Variants in XKR4 observed in about 807,000 individuals in gnomAD.
XKR4 encodes XK-related protein 4.
A neutral mutation model predicts 53.9 loss-of-function variants in XKR4; 12 were observed. The observed-to-expected ratio is 0.22, with a 90% confidence interval of 0.14 to 0.36. XKR4 has a LOEUF of 0.36. Among genes scored for constraint, XKR4 ranks in the 10% least tolerant of loss-of-function variants. The probability of loss-of-function intolerance (pLI) is 1.00; values close to 1 mark genes in which losing one functional copy is unlikely to be tolerated. For missense variants in XKR4, 799 were observed against 859.5 expected (o/e 0.93, Z 0.88); for synonymous variants, 354 against 362.4 (o/e 0.98, Z 0.26).
chr8:55,318,917 A>G (rs868528902), intron 1 of XKR4, among the ~76,000 whole-genome samples: 1 of 152,182 alleles, frequency 6.6e-6, no homozygotes, highest in South Asian at 2.1e-4. Flanking sequence ...GTATTTGAAG[A>G]CCTAAACAAT....
intron 1 of XKR4, among the ~76,000 whole-genome samples, chr8:55,305,501 T>G (rs1333882403): frequency 6.6e-6 from 1 of 152,008 alleles, no homozygotes; most frequent in Non-Finnish European, 1.5e-5. Context: ...AAGCAAATAC[T>G]GGACTGGAAG....
chr8:55,412,412 A>C (rs1377469944), intron 2 of XKR4, among the ~76,000 whole-genome samples: 1 of 152,208 alleles, frequency 6.6e-6, no homozygotes, highest in African/African-American at 2.4e-5. Flanking sequence ...TGCTTATTTA[A>C]ATTTTTTTTA....
At chr8:55,423,905 A>T (rs1225844932) in intron 2 of XKR4, among the ~76,000 whole-genome samples, 1 of 152,258 alleles carries the variant, frequency 6.6e-6, no homozygotes, top group African/African-American at 2.4e-5. Context: ...AGGGTCAGGA[A>T]TAGATTCTCC....
At chr8:55,259,303 G>A (rs1246338209) in intron 1 of XKR4, among the ~76,000 whole-genome samples, 1 of 152,192 alleles carries the variant, frequency 6.6e-6, no homozygotes, top group Non-Finnish European at 1.5e-5. Flanking sequence ...AAATTACCTA[G>A]TTTGATCATG....
At chr8:55,366,432 T>C (rs933557626) in intron 2 of XKR4, among the ~76,000 whole-genome samples, 1 of 152,194 alleles carries the variant, frequency 6.6e-6, no homozygotes. Context: ...ATGGAGGTTG[T>C]GTCATGAAAA....
At chr8:55,103,343 C>CTTTG in intron 1 of XKR4, 49 bp downstream of exon 1, 3 of 1,541,010 alleles carry the variant, frequency 1.9e-6, no homozygotes, top group Non-Finnish European at 2.6e-6. Context: ...GCTACTACAT[C>CTTTG]CCCACTGCTT....
At chr8:55,208,585 G>C (rs1040048765) in intron 1 of XKR4, among the ~76,000 whole-genome samples, 3 of 151,930 alleles carry the variant, frequency 2.0e-5, no homozygotes, top group African/African-American at 7.3e-5. Flanking sequence ...TCCTGCCTCA[G>C]CCTCCCAAGT....
intron 2 of XKR4, among the ~76,000 whole-genome samples, chr8:55,466,807 T>C (rs1805780993): frequency 1.3e-5 from 2 of 152,192 alleles, no homozygotes; most frequent in South Asian, 4.1e-4. Context: ...CAGTAAGTGA[T>C]TCTAAAATAA....
chr8:55,429,069 A>G (rs936944210), intron 2 of XKR4, among the ~76,000 whole-genome samples: 4 of 152,232 alleles, frequency 2.6e-5, no homozygotes, highest in Non-Finnish European at 5.9e-5. Flanking sequence ...ACATAGATCA[A>G]TGGAACTAAC....
intron 2 of XKR4, among the ~76,000 whole-genome samples, chr8:55,413,248 AG>A (rs1563344006): frequency 6.6e-6 from 1 of 152,164 alleles, no homozygotes; most frequent in Non-Finnish European, 1.5e-5. Flanking sequence ...TTTTAAATGG[AG>A]TCTCACTCTG....
rs572817338 is a variant in XKR4 at position 55,407,095 on chromosome 8, C to T, written c.1006+49218C>T. On this transcript the variant is annotated intron_variant, in intron 2 of 2. Transcript: ENST00000327381. Reference sequence around the variant, plus strand: ...CTCCAGCCAGCAAACCCCATCATGGCTCATCAGAGGTTTCTGTGGAGTCCT... The same window carrying T: ...CTCCAGCCAGCAAACCCCATCATGGTTCATCAGAGGTTTCTGTGGAGTCCT... Among the ~76,000 whole-genome samples the T allele has an allele frequency of 3.3e-5, 5 of 152,270 alleles. No individual in the cohort carries two copies. In the South Asian group the frequency reaches 8.3e-4, roughly 25 times the overall value.
chr8:55,483,805 A>T (rs190297945), intron 2 of XKR4, among the ~76,000 whole-genome samples: 37 of 152,242 alleles, frequency 2.4e-4, no homozygotes, highest in Non-Finnish European at 1.5e-5. Context: ...ATTAATGCAA[A>T]ACAGGAGGGA....
chr8:55,167,677 G>A (rs1817088709), intron 1 of XKR4, among the ~76,000 whole-genome samples: 1 of 152,144 alleles, frequency 6.6e-6, no homozygotes, highest in African/African-American at 2.4e-5. Context: ...GCACTAACTA[G>A]TACAGTGTCC....
chr8:55,451,909 T>C, intron 2 of XKR4: 2 of 813,978 alleles, frequency 2.5e-6, no homozygotes, highest in Non-Finnish European at 4.2e-6. Context: ...CACTGAGATC[T>C]CCTCCTCCTG....
chr8:55,350,738 C>CTTTTTTTT (rs1028164969), intron 1 of XKR4, among the ~76,000 whole-genome samples: 2 of 122,448 alleles, frequency 1.6e-5, no homozygotes, highest in Non-Finnish European at 3.4e-5. Context: ...TTTTTCTTTT[C>CTTTTTTTT]TTTTTTTTTT....
intron 1 of XKR4, among the ~76,000 whole-genome samples, chr8:55,302,702 G>A (rs1248589457): frequency 6.6e-6 from 1 of 152,068 alleles, no homozygotes; most frequent in African/African-American, 2.4e-5. Flanking sequence ...TCCTTGAAGA[G>A]GTCCTTCACA....
At position 55,167,601 on chromosome 8, in the gene XKR4, ATTCAG is replaced by A. The variant is rs1294656433; in HGVS notation, c.806+64309_806+64313del. ...ATTTTTGTTGCATATGACCACTGAG[ATTCAG>A]TAGTTTATCTGCATATAACCACTGA... is the stretch of plus-strand genomic sequence containing the variant. On this transcript the variant is annotated intron_variant, in intron 1 of 2. Coordinates refer to ENST00000327381, the MANE Select transcript of XKR4 (RefSeq NM_052898.2). 2.0e-5 allele frequency among the ~76,000 whole-genome samples: 3 copies of A among 152,310 alleles called. No homozygotes were observed. The South Asian group carries it at 6.2e-4, about 32-fold the overall frequency.
At chr8:55,177,926 T>C (rs541438631) in intron 1 of XKR4, among the ~76,000 whole-genome samples, 2 of 152,266 alleles carry the variant, frequency 1.3e-5, no homozygotes, top group Non-Finnish European at 2.9e-5. Context: ...CAGCCAAGGA[T>C]CAATGTCCTG....
At chr8:55,422,756 A>G (rs1365440166) in intron 2 of XKR4, among the ~76,000 whole-genome samples, 1 of 152,214 alleles carries the variant, frequency 6.6e-6, no homozygotes, top group Admixed American at 6.5e-5. Context: ...AGGAAATTTA[A>G]TTCTGCAGCA....
Sources: gnomAD v4.1 joint callset for allele counts (sites outside exome capture counted in the v4.1 genomes callset) on GRCh38, gnomAD v4.1.1 for gene constraint, MANE v1.5 for transcripts, NCBI Gene and HGNC (gene_info 2026-07-23, HGNC 2026-07-21) for gene names.